SYNE1: variants seen among roughly 807,000 people sequenced by gnomAD.
SYNE1 encodes the protein nesprin-1.
In SYNE1, 616 loss-of-function variants were observed where a neutral mutation model predicts 1,111.0. The observed-to-expected ratio is 0.55, with a 90% confidence interval of 0.52 to 0.59. The LOEUF is 0.59. Among genes scored for constraint, SYNE1 ranks in the 20% least tolerant of loss-of-function variants. SYNE1 has a pLI of 0.00. For synonymous variants in SYNE1, 3,855 were observed against 3,825.8 expected, an observed-to-expected ratio of 1.01 and a Z score of -0.28; for missense variants, 10,006 against 10,417.0, an observed-to-expected ratio of 0.96 and a Z score of 1.72.
Position 152,406,944 on chromosome 6 carries a change from CTT to C in SYNE1, c.6723+68_6723+69del, listed in dbSNP as rs549447851. 26,789 of 953,236 alleles carry C rather than the reference CTT, an allele frequency of 0.028. 270 individuals are homozygous for C. Among genetic ancestry groups the C allele is most frequent in the African/African-American group, 0.061 (3,588 of 58,880 alleles). The allele number at this position is 953,236 out of a possible 1,614,324, so 59.0% of individuals were successfully genotyped here. Reference sequence around the variant, plus strand: ...AAGAAGAATAAACTTTTAAGAAAGACTTTTTTTTTTTTTCATATTCTGGTCAA... The same window carrying C: ...AAGAAGAATAAACTTTTAAGAAAGACTTTTTTTTTTTCATATTCTGGTCAA... On this transcript the variant is annotated intron_variant, in intron 45 of 145. Transcript: ENST00000367255.
intron 84 of SYNE1, chr6:152,320,017 A>T (rs534114371): frequency 1.3e-5 from 2 of 152,244 alleles, no homozygotes; most frequent in South Asian, 4.2e-4. Flanking sequence ...ACAAAAAATT[A>T]GCCGGGTATG....
chr6:152,440,841 C>G (rs766068353), intron 32 of SYNE1, among the ~76,000 whole-genome samples: 2 of 152,020 alleles, frequency 1.3e-5, no homozygotes, highest in Non-Finnish European at 2.9e-5. Context: ...GCTGGGATTA[C>G]AGGAGTTGAG....
In SYNE1 at chr6:152,347,245, T is replaced by A; in HGVS notation, c.11902-10A>T. ...TTTCTTCCATCATTGCCTGCAAAAG[T>A]GAAACCAATACAGAGTTTTCAGAAT... On this transcript the variant is annotated splice_polypyrimidine_tract_variant and intron_variant, in intron 72 of 145. Transcript: ENST00000367255. 1.2e-6 allele frequency: 2 copies of A among 1,614,178 alleles called. No individual in the cohort carries two copies. The highest frequency in any genetic ancestry group is 1.7e-6 in the Non-Finnish European group (2 of 1,180,022).
chr6:152,170,794 C>A (rs569518106), intron 130 of SYNE1, among the ~76,000 whole-genome samples: 1 of 152,164 alleles, frequency 6.6e-6, no homozygotes, highest in Non-Finnish European at 1.5e-5. Flanking sequence ...CTATGCTTAG[C>A]GGTTGATATG....
At chr6:152,577,779 T>C (rs938441068) in intron 3 of SYNE1, among the ~76,000 whole-genome samples, 1 of 135,636 alleles carries the variant, frequency 7.4e-6, no homozygotes, top group Admixed American at 7.3e-5. Context: ...TTTTCTGTTT[T>C]GTTTTTTTTT....
At chr6:152,222,385 C>A (rs755759982) in intron 117 of SYNE1, among the ~76,000 whole-genome samples, 19 of 152,204 alleles carry the variant, frequency 1.2e-4, no homozygotes, top group Non-Finnish European at 2.6e-4. Flanking sequence ...CTTTGACACT[C>A]AAAGCCAAAG....
chr6:152,317,348 G>A (rs991012228), intron 86 of SYNE1, among the ~76,000 whole-genome samples: 6 of 150,518 alleles, frequency 4.0e-5, no homozygotes, highest in South Asian at 4.2e-4. Flanking sequence ...AGCCTCCCAC[G>A]TAGCTGGGAC....
Position 152,413,049 on chromosome 6 carries a change from A to C in SYNE1, c.6230+303T>G, listed in dbSNP as rs114864911. Among the ~76,000 whole-genome samples, 3,754 of 151,998 alleles carry C rather than the reference A, an allele frequency of 0.025. 182 individuals carry two copies. Among genetic ancestry groups the C allele is most frequent in the African/African-American group, 0.086 (3,558 of 41,424 alleles). On this transcript the variant is annotated intron_variant, in intron 42 of 145. Transcript: ENST00000367255. Reference sequence around the variant, plus strand: ...GTATTTTTAGTAGAGATGGGATTTCACTATTTGGCCAGGATGGTCTTGAAC... The same window carrying C: ...GTATTTTTAGTAGAGATGGGATTTCCCTATTTGGCCAGGATGGTCTTGAAC...
chr6:152,133,833 C>T (rs2056424293), intron 142 of SYNE1: 1 of 275,360 alleles, frequency 3.6e-6, no homozygotes, highest in African/African-American at 2.2e-5. Flanking sequence ...CAGAAAAGCA[C>T]AACATTAAAT....
At chr6:152,409,972 T>C (rs551452383) in intron 42 of SYNE1, among the ~76,000 whole-genome samples, 5 of 152,294 alleles carry the variant, frequency 3.3e-5, no homozygotes, top group Admixed American at 1.3e-4. Flanking sequence ...ATGAACTCAA[T>C]GACAAAGAAG....
chr6:152,490,550 T>C (rs2098964743), intron 11 of SYNE1, among the ~76,000 whole-genome samples: 1 of 152,122 alleles, frequency 6.6e-6, no homozygotes, highest in South Asian at 2.1e-4. Flanking sequence ...TTCAGCACCT[T>C]GTAACCCCTG....
In SYNE1 at chr6:152,369,599, T is replaced by C. The variant is rs780287542; in HGVS notation, c.9523A>G (p.Met3175Val). 6.2e-7 allele frequency: 1 copy of C among 1,614,158 alleles called. No individual in the cohort carries two copies. The highest frequency in any genetic ancestry group is 8.5e-7 in the Non-Finnish European group (1 of 1,180,006). Residue 3175 changes from methionine (M) to valine (V), a missense_variant, in exon 60 of 146, where the codon ATG (methionine) becomes GTG (valine). Around this residue, in one of 7 missense-constraint regions of SYNE1, gnomAD observed 4,955 missense variants for 5,017.2 expected, o/e 0.99. Transcript: ENST00000367255. ...ESALENLKIQ[M>V]KDFEVSAEPI... ...TCAGCACTTACTTCAAAGTCCTTCA[T>C]TTGGATCTTTAGATTCTGCAAGGTT...
Position 152,359,427 on chromosome 6 carries a change from C to G in SYNE1, c.10331G>C (p.Ser3444Thr), listed in dbSNP as rs770327352. The change falls in exon 65 of 146, where the codon AGC becomes ACC. Residue 3444 changes from serine to threonine, a missense_variant. By Grantham distance (58) the Ser-to-Thr change is moderately conservative. Coordinates refer to ENST00000367255, the MANE Select transcript of SYNE1 (RefSeq NM_182961.4). Reference sequence around the variant, plus strand: ...TTTGACTTCGATGGTCTCCAGCAAGCTGCTGTAACTCAGCACTTCTTCATT... The same window carrying G: ...TTTGACTTCGATGGTCTCCAGCAAGGTGCTGTAACTCAGCACTTCTTCATT... Reference protein sequence around the residue: ...LLNEEVLSYSSLLETIEVKGA... With the variant: ...LLNEEVLSYSTLLETIEVKGA... 6.2e-7 allele frequency: 1 copy of G among 1,614,182 alleles called. No homozygotes were observed. Among genetic ancestry groups the G allele is most frequent in the Non-Finnish European group, 8.5e-7 (1 of 1,180,036 alleles).
intron 3 of SYNE1, among the ~76,000 whole-genome samples, chr6:152,607,805 T>C (rs1484732840): frequency 2.0e-5 from 3 of 152,156 alleles, no homozygotes; most frequent in Non-Finnish European, 4.4e-5. Flanking sequence ...AGTGATAGAC[T>C]GGATAAAGAA....
At chr6:152,248,033 A>C (rs909445570) in intron 105 of SYNE1, among the ~76,000 whole-genome samples, 1 of 152,028 alleles carries the variant, frequency 6.6e-6, no homozygotes, top group African/African-American at 2.4e-5. Context: ...CATCCCTCCC[A>C]TTTCTTCTAT....
chr6:152,387,889 C>A (rs899261304), intron 53 of SYNE1, among the ~76,000 whole-genome samples: 4 of 152,102 alleles, frequency 2.6e-5, no homozygotes, highest in African/African-American at 9.7e-5. Context: ...CACACACACA[C>A]AATATACAGT....
intron 128 of SYNE1, among the ~76,000 whole-genome samples, chr6:152,187,236 C>T (rs910901232): frequency 6.6e-6 from 1 of 152,098 alleles, no homozygotes; most frequent in African/African-American, 2.4e-5. Context: ...CATGTGTGCT[C>T]CAGAGTTTTC....
Position 152,354,583 on chromosome 6 carries a change from C to T in SYNE1, c.10926+76G>A, listed in dbSNP as rs548959192. 3.9e-5 allele frequency: 61 copies of T among 1,572,880 alleles called. No homozygotes were observed. In the South Asian group the frequency reaches 6.2e-4, roughly 16 times the overall value. Reference sequence around the variant, plus strand: ...AAGCCTAAGCTTTGGATAAAAGTTACTAAATATCTTAATGAAACAAACTAT... The same window carrying T: ...AAGCCTAAGCTTTGGATAAAAGTTATTAAATATCTTAATGAAACAAACTAT... On this transcript the variant is annotated intron_variant, in intron 67 of 145. Transcript: ENST00000367255.
chr6:152,441,963 G>C, intron 31 of SYNE1, 112 bp downstream of exon 31: 1 of 1,279,942 alleles, frequency 7.8e-7, no homozygotes, highest in Non-Finnish European at 1.1e-6. Context: ...ATTTAACACA[G>C]GGCTGAAACA....
Sources: gnomAD v4.1 joint callset for allele counts (sites outside exome capture counted in the v4.1 genomes callset) on GRCh38, gnomAD v4.1.1 for gene constraint, gnomAD v4.1.1 regional missense constraint, MANE v1.5 for transcripts, NCBI Gene and HGNC (gene_info 2026-07-23, HGNC 2026-07-21) for gene names.